PDE4D: variants seen among roughly 807,000 people sequenced by gnomAD.
PDE4D encodes 3',5'-cyclic-AMP phosphodiesterase 4D.
Under a neutral mutation model 87.4 loss-of-function variants are expected in PDE4D, and 24 were observed. That is an observed-to-expected ratio of 0.27 (90% CI 0.20 to 0.39). The LOEUF (loss-of-function observed/expected upper bound fraction) is 0.39, where lower values mean the gene tolerates loss of function less well. PDE4D is among the 10% of genes least tolerant of loss of function. The pLI is 1.00. For synonymous variants in PDE4D, 384 were observed against 383.2 expected, an observed-to-expected ratio of 1.00 and a Z score of -0.02; for missense variants, 714 against 1,041.0, an observed-to-expected ratio of 0.69 and a Z score of 4.32.
At chr5:59,473,389 T>C (rs939752401) in intron 1 of PDE4D, among the ~76,000 whole-genome samples, 1 of 152,140 alleles carries the variant, frequency 6.6e-6, no homozygotes, top group Non-Finnish European at 1.5e-5. Flanking sequence ...TAAAATGATA[T>C]ATACACTAAT....
chr5:59,557,221 T>C (rs982948286), intron 1 of PDE4D, among the ~76,000 whole-genome samples: 2 of 152,198 alleles, frequency 1.3e-5, no homozygotes, highest in Non-Finnish European at 2.9e-5. Flanking sequence ...AAATTAAACT[T>C]CTACTTTTAT....
intron 1 of PDE4D, among the ~76,000 whole-genome samples, chr5:59,229,717 A>G (rs1754707561): frequency 6.6e-6 from 1 of 152,188 alleles, no homozygotes; most frequent in African/African-American, 2.4e-5. Flanking sequence ...TCTGCATCTG[A>G]GGTAATTACA....
chr5:59,175,897 C>T lies in PDE4D; in HGVS notation c.808+4698G>A, dbSNP rs146050452. Among the ~76,000 whole-genome samples, 32 of 150,456 alleles carry T rather than the reference C, an allele frequency of 2.1e-4. 2 individuals are homozygous for T. In the East Asian group the frequency reaches 5.3e-3, roughly 25 times the overall value. On this transcript the variant is annotated intron_variant, in intron 5 of 14. Coordinates refer to ENST00000340635, the MANE Select transcript of PDE4D (RefSeq NM_001104631.2). The stretch of plus-strand genomic sequence containing the variant: ...CTCCCACCTTGGTCTCCTGAGTAGC[C>T]GGGATTATAGGGGTGTGCCACCATG...
intron 6 of PDE4D, among the ~76,000 whole-genome samples, chr5:59,007,502 A>G (rs144623020): frequency 6.6e-6 from 1 of 152,316 alleles, no homozygotes; most frequent in Admixed American, 6.5e-5. Flanking sequence ...GAGGCAGACA[A>G]TAATCTAGAA....
chr5:59,900,612 T>C (rs1289583787), intron 3 of PDE4D, among the ~76,000 whole-genome samples: 1 of 152,154 alleles, frequency 6.6e-6, no homozygotes, highest in Non-Finnish European at 1.5e-5. Flanking sequence ...CCTCAGAAGA[T>C]GTCATAGAAC....
chr5:59,844,023 C>T (rs1743457299), intron 1 of PDE4D, among the ~76,000 whole-genome samples: 1 of 152,022 alleles, frequency 6.6e-6, no homozygotes, highest in Non-Finnish European at 1.5e-5. Flanking sequence ...ACTCACCACC[C>T]TTGGCTGAAG....
chr5:60,381,307 C>T (rs746109009), intron 1 of PDE4D, among the ~76,000 whole-genome samples: 3 of 152,140 alleles, frequency 2.0e-5, no homozygotes, highest in African/African-American at 2.4e-5. Context: ...ATATGTCACA[C>T]GGTATTGCTT....
At chr5:60,193,669 C>CAAAAAAAAAAAAAAAAAAAAAA (rs35340734) in intron 1 of PDE4D, among the ~76,000 whole-genome samples, 1 of 46,886 alleles carries the variant, frequency 2.1e-5, no homozygotes, top group African/African-American at 7.8e-5. Context: ...GACTCCGTCT[C>CAAAAAAAAAAAAAAAAAAAAAA]AAAAAAAAAA....
chr5:59,719,007 TA>T (rs397883539), intron 1 of PDE4D, among the ~76,000 whole-genome samples: 14,441 of 139,264 alleles, frequency 0.1, 1,084 homozygotes, highest in African/African-American at 0.23. Flanking sequence ...CTCTTAGAAT[TA>T]AAAAAAAAAA....
chr5:60,514,735 AT>A (rs1468160489), intron 1 of PDE4D, among the ~76,000 whole-genome samples: 2 of 152,200 alleles, frequency 1.3e-5, no homozygotes, highest in East Asian at 1.9e-4. Context: ...CACAAAAAAA[AT>A]AACTCAATAT....
At chr5:59,527,113 C>T (rs2153677503) in intron 1 of PDE4D, among the ~76,000 whole-genome samples, 1 of 152,250 alleles carries the variant, frequency 6.6e-6, no homozygotes. Flanking sequence ...AAAGTTTCTG[C>T]AATCCTACTT....
chr5:59,899,267 T>G (rs1415785221), intron 3 of PDE4D, among the ~76,000 whole-genome samples: 1 of 152,110 alleles, frequency 6.6e-6, no homozygotes, highest in Non-Finnish European at 1.5e-5. Flanking sequence ...TAACTCTACA[T>G]AGAAAACACC....
chr5:59,558,207 C>T (rs1288380301), intron 1 of PDE4D, among the ~76,000 whole-genome samples: 1 of 151,958 alleles, frequency 6.6e-6, no homozygotes, highest in Non-Finnish European at 1.5e-5. Flanking sequence ...AGTTCACATT[C>T]CAGTCGAAGG....
At chr5:59,280,473 T>A (rs1765610361) in intron 1 of PDE4D, among the ~76,000 whole-genome samples, 1 of 152,096 alleles carries the variant, frequency 6.6e-6, no homozygotes, top group Non-Finnish European at 1.5e-5. Context: ...GAAGAAAAAC[T>A]ATCTAATTTA....
intron 1 of PDE4D, among the ~76,000 whole-genome samples, chr5:60,270,429 C>T (rs1750698600): frequency 6.6e-6 from 1 of 152,154 alleles, no homozygotes; most frequent in African/African-American, 2.4e-5. Flanking sequence ...TTGTATCATT[C>T]AGACCAGAAT....
At chr5:59,562,528 T>C (rs1214388461) in intron 1 of PDE4D, among the ~76,000 whole-genome samples, 1 of 152,202 alleles carries the variant, frequency 6.6e-6, no homozygotes, top group Non-Finnish European at 1.5e-5. Context: ...AATGAAGATG[T>C]TGTGAATGGA....
chr5:59,572,081 T>C lies in PDE4D; in HGVS notation c.455+321087A>G, dbSNP rs78762499. 3.1e-3 allele frequency among the ~76,000 whole-genome samples: 467 copies of C among 152,336 alleles called. 6 individuals carry two copies. Among genetic ancestry groups the C allele is most frequent in the East Asian group, 3.7e-3 (19 of 5,182 alleles). On this transcript the variant is annotated intron_variant, in intron 1 of 14. Coordinates refer to ENST00000340635, the MANE Select transcript of PDE4D (RefSeq NM_001104631.2). The stretch of plus-strand genomic sequence containing the variant: ...CAATCTTGTGAGCTGACAGATCTTA[T>C]TGGGAGCAACCTTGTTCAGAATTTT...
At chr5:59,444,415 T>C (rs531758411) in intron 1 of PDE4D, among the ~76,000 whole-genome samples, 2 of 152,316 alleles carry the variant, frequency 1.3e-5, no homozygotes, top group South Asian at 4.1e-4. Context: ...GTCCAACATA[T>C]TTTTAATTTT....
chr5:59,855,063 T>C (rs1430133719), intron 1 of PDE4D, among the ~76,000 whole-genome samples: 1 of 152,138 alleles, frequency 6.6e-6, no homozygotes, highest in Non-Finnish European at 1.5e-5. Flanking sequence ...CTGGTAATGT[T>C]GCCAAAATGC....
Sources: gnomAD v4.1 joint callset for allele counts (sites outside exome capture counted in the v4.1 genomes callset) on GRCh38, gnomAD v4.1.1 for gene constraint, MANE v1.5 for transcripts, NCBI Gene and HGNC (gene_info 2026-07-23, HGNC 2026-07-21) for gene names.